ABLIM3: variants seen among roughly 807,000 people sequenced by gnomAD.
The protein encoded by ABLIM3 is actin binding LIM protein family member 3, also known as actin-binding LIM protein 3.
A neutral mutation model predicts 109.5 loss-of-function variants in ABLIM3; 61 were observed. The observed-to-expected ratio is 0.56, with a 90% CI of 0.45 to 0.69. The LOEUF (loss-of-function observed/expected upper bound fraction) is 0.69. ABLIM3 is among the 30% of genes least tolerant of loss of function. ABLIM3 has a pLI of 0.00. For missense variants in ABLIM3, 796 were observed against 889.5 expected (o/e 0.89, Z 1.34); for synonymous variants, 300 against 324.8 (o/e 0.92, Z 0.82).
At chr5:149,203,252 CCAA>C (rs1203621209) in intron 5 of ABLIM3, among the ~76,000 whole-genome samples, 2 of 151,904 alleles carry the variant, frequency 1.3e-5, no homozygotes, top group Non-Finnish European at 2.9e-5. Flanking sequence ...ATCATCACCA[CCAA>C]CACCACTGCC....
At chr5:149,252,166 C>G (rs369792570) in intron 21 of ABLIM3, 35 bp from the exon 22 acceptor site, 3 of 1,613,180 alleles carry the variant, frequency 1.9e-6, no homozygotes, top group Non-Finnish European at 2.5e-6. Flanking sequence ...CTGATGGGCT[C>G]CATTCTGTGT....
chr5:149,257,077 G>T (rs1276805382), intron 23 of ABLIM3, among the ~76,000 whole-genome samples: 3 of 152,222 alleles, frequency 2.0e-5, no homozygotes, highest in African/African-American at 4.8e-5. Flanking sequence ...GGCTGAGGAG[G>T]GCAGATTGCC....
chr5:149,170,266 T>TCTCTCTCTCTCTCTCTCCC (rs1755278492), intron 2 of ABLIM3, among the ~76,000 whole-genome samples: 1 of 81,016 alleles, frequency 1.2e-5, no homozygotes, highest in African/African-American at 4.2e-5. Flanking sequence ...CTCTCTCTCC[T>TCTCTCTCTCTCTCTCTCCC]TCTCCCTCTC....
intron 9 of ABLIM3, 27 bp from the exon 10 acceptor site, chr5:149,233,202 C>T (rs1213903068): frequency 1.9e-6 from 3 of 1,612,950 alleles, no homozygotes; most frequent in African/African-American, 1.3e-5. Flanking sequence ...CAGCTTCTCA[C>T]CTTTTCTGTC....
At chr5:149,235,734 C>T (rs1762281318) in intron 10 of ABLIM3, among the ~76,000 whole-genome samples, 1 of 152,148 alleles carries the variant, frequency 6.6e-6, no homozygotes, top group African/African-American at 2.4e-5. Flanking sequence ...TTTACCCACA[C>T]ACCCCCAGAA....
intron 7 of ABLIM3, among the ~76,000 whole-genome samples, chr5:149,213,406 CAG>C (rs1232643379): frequency 2.0e-5 from 3 of 152,138 alleles, no homozygotes; most frequent in African/African-American, 7.2e-5. Flanking sequence ...ATGGTGAGGT[CAG>C]AGTGTTGGTC....
chr5:149,186,495 G>A (rs1254223966), intron 3 of ABLIM3, among the ~76,000 whole-genome samples: 6 of 151,830 alleles, frequency 4.0e-5, no homozygotes, highest in East Asian at 3.8e-4. Context: ...GACTATATTC[G>A]TGTTATATAT....
Position 149,239,794 on chromosome 5 carries a change from G to T in ABLIM3, c.1110G>T (p.Arg370=), listed in dbSNP as rs1467037440. ...IYENLDLRQR[R]ASSPGYIDSP... ...AGAACCTGGACCTCCGGCAGAGACG[G>T]GCCTCCAGCCCGGGGTACATAGACT... Residue 370 remains arginine, a synonymous_variant, in exon 13 of 24, where the codon CGG becomes CGT. Transcript: ENST00000309868. 1 of 1,607,992 alleles carries T rather than the reference G, an allele frequency of 6.2e-7. No homozygotes were observed. Among genetic ancestry groups the T allele is most frequent in the Admixed American group, 1.7e-5 (1 of 59,304 alleles).
intron 2 of ABLIM3, among the ~76,000 whole-genome samples, chr5:149,150,667 C>A (rs1753349307): frequency 6.6e-6 from 1 of 152,162 alleles, no homozygotes; most frequent in Admixed American, 6.5e-5. Context: ...TGGCTATTAC[C>A]CAACTTTAGG....
chr5:149,259,593 T>G lies in ABLIM3; in HGVS notation c.*1189T>G, dbSNP rs1223884293. The G allele has an allele frequency of 6.5e-7, 1 of 1,535,924 alleles. No individual in the cohort carries two copies. The highest frequency in any genetic ancestry group is 1.4e-5 in the African/African-American group (1 of 73,162). Reference sequence around the variant, plus strand: ...GCTTATGAGATTCCAAAATGAAGTGTTGGCCAACACCGCTCATGGCCATCC... The same window carrying G: ...GCTTATGAGATTCCAAAATGAAGTGGTGGCCAACACCGCTCATGGCCATCC... On this transcript the variant is annotated 3_prime_UTR_variant, in exon 24 of 24. Transcript: ENST00000309868.
chr5:149,161,668 G>A (rs1754384352), intron 2 of ABLIM3, among the ~76,000 whole-genome samples: 1 of 152,190 alleles, frequency 6.6e-6, no homozygotes, highest in Admixed American at 6.5e-5. Flanking sequence ...GGCTGAGCAA[G>A]TGAAAATCGT....
intron 8 of ABLIM3, among the ~76,000 whole-genome samples, chr5:149,225,333 C>T (rs1172626485): frequency 6.6e-6 from 1 of 152,162 alleles, no homozygotes; most frequent in Admixed American, 6.5e-5. Flanking sequence ...CCCCGAACCC[C>T]TGGCAGTCAC....
chr5:149,231,914 G>A (rs1157596054), intron 9 of ABLIM3, among the ~76,000 whole-genome samples: 1 of 152,002 alleles, frequency 6.6e-6, no homozygotes, highest in Non-Finnish European at 1.5e-5. Context: ...ATAAATAGAA[G>A]GTAATCATAA....
intron 17 of ABLIM3, 197 bp from the exon 18 acceptor site, chr5:149,247,585 C>A: frequency 1.3e-6 from 1 of 784,158 alleles, no homozygotes; most frequent in Non-Finnish European, 2.2e-6. Flanking sequence ...CCCACCCAGA[C>A]CACAGGACAA....
rs1438946264 is a variant in ABLIM3 at position 149,237,500 on chromosome 5, A to G, written c.941A>G (p.Lys314Arg). ...LNYKDLAALP[K>R]VKSIYEVQRP... ...TACAAAGACCTGGCGGCTCTCCCCAAGGTTAAGTCTATCTACGAGGTACAA... is the reference window on the plus strand; with the variant it reads ...TACAAAGACCTGGCGGCTCTCCCCAGGGTTAAGTCTATCTACGAGGTACAA... The change falls in exon 11 of 24, where the codon AAG becomes AGG. Residue 314 changes from lysine (K) to arginine (R), a missense_variant. Lys to Arg is a conservative substitution (Grantham distance 26). Transcript: ENST00000309868. 6.2e-7 allele frequency: 1 copy of G among 1,614,190 alleles called. No individual in the cohort carries two copies. Among genetic ancestry groups the G allele is most frequent in the Non-Finnish European group, 8.5e-7 (1 of 1,180,032 alleles).
intron 2 of ABLIM3, among the ~76,000 whole-genome samples, chr5:149,161,647 T>C (rs992053866): frequency 1.3e-5 from 2 of 152,186 alleles, no homozygotes; most frequent in African/African-American, 4.8e-5. Flanking sequence ...GGCATTAATC[T>C]AGCTTAGAGA....
intron 2 of ABLIM3, among the ~76,000 whole-genome samples, chr5:149,146,676 G>T (rs766610133): frequency 5.7e-4 from 87 of 152,106 alleles, no homozygotes; most frequent in African/African-American, 2.1e-3. Context: ...TGGTCTATAT[G>T]TCTGTTTTTG....
At chr5:149,245,071 G>T (rs1053787749) in intron 16 of ABLIM3, 56 bp downstream of exon 16, 2 of 1,606,962 alleles carry the variant, frequency 1.2e-6, no homozygotes, top group East Asian at 2.2e-5. Context: ...CCAAGGACAC[G>T]GGTGTTCAGA....
At chr5:149,158,746 C>T (rs1754068118) in intron 2 of ABLIM3, among the ~76,000 whole-genome samples, 1 of 152,116 alleles carries the variant, frequency 6.6e-6, no homozygotes, top group Admixed American at 6.5e-5. Context: ...TATCTTACAA[C>T]CTCAAGGGAG....
Sources: allele counts gnomAD v4.1 joint callset (sites outside exome capture counted in the v4.1 genomes callset), GRCh38; gene constraint gnomAD v4.1.1; transcripts MANE v1.5; gene names NCBI Gene and HGNC (gene_info 2026-07-23, HGNC 2026-07-21).